KLHL2: variants seen among roughly 807,000 people sequenced by gnomAD.
KLHL2 encodes kelch like family member 2.
Under a neutral mutation model 75.8 loss-of-function variants are expected in KLHL2, and 15 were observed. That is an observed-to-expected ratio of 0.20 (90% CI 0.13 to 0.30). The LOEUF is 0.30. Among genes scored for constraint, KLHL2 ranks in the 10% least tolerant of loss-of-function variants. The pLI, the probability that KLHL2 is intolerant of heterozygous loss-of-function variation, is 1.00. For synonymous variants in KLHL2, 214 were observed against 251.9 expected, an observed-to-expected ratio of 0.85 and a Z score of 1.42; for missense variants, 381 against 741.0, an observed-to-expected ratio of 0.51 and a Z score of 5.64.
chr4:165,272,803 T>A (rs535990429), intron 5 of KLHL2, among the ~76,000 whole-genome samples: 54 of 152,246 alleles, frequency 3.5e-4, no homozygotes, highest in African/African-American at 1.1e-3. Context: ...ATATAAAAAA[T>A]TTTCCACCAG....
Position 165,265,509 on chromosome 4 carries a change from GTCT to G in KLHL2, c.544+2152_544+2154del, listed in dbSNP as rs566954901. On this transcript the variant is annotated intron_variant, in intron 5 of 14. Coordinates refer to ENST00000226725, the MANE Select transcript of KLHL2 (RefSeq NM_007246.4). The stretch of plus-strand genomic sequence containing the variant: ...TCTTCTAGAATTTTGATGGTTTCAG[GTCT>G]TAGATTTAAGTCTTTAATCCATCTT... Among the ~76,000 whole-genome samples, 13 of 152,112 alleles carry G rather than the reference GTCT, an allele frequency of 8.5e-5. No individual in the cohort carries two copies. In the East Asian group the frequency reaches 2.5e-3, roughly 29 times the overall value.
intron 6 of KLHL2, 42 bp downstream of exon 6, chr4:165,294,510 C>CT (rs374375227): frequency 0.047 from 38,269 of 813,358 alleles, no homozygotes; most frequent in South Asian, 0.06. Flanking sequence ...TGATGTTTCC[C>CT]TTTTTTTTTT....
chr4:165,245,523 G>A (rs891319307), intron 4 of KLHL2, among the ~76,000 whole-genome samples: 2 of 152,140 alleles, frequency 1.3e-5, no homozygotes, highest in South Asian at 2.1e-4. Flanking sequence ...CTGCATTCCC[G>A]TAGGAAGCTG....
intron 5 of KLHL2, among the ~76,000 whole-genome samples, chr4:165,290,596 C>G (rs990980395): frequency 2.0e-5 from 3 of 152,026 alleles, no homozygotes; most frequent in Non-Finnish European, 4.4e-5. Context: ...ATATAAACTT[C>G]TGGTAAAGTC....
chr4:165,215,280 GA>G (rs1445397479), intron 1 of KLHL2, among the ~76,000 whole-genome samples: 1 of 152,092 alleles, frequency 6.6e-6, no homozygotes, highest in East Asian at 1.9e-4. Context: ...TGAAGGATGT[GA>G]GAGTATTTTG....
At chr4:165,242,745 C>T (rs1374384891) in intron 4 of KLHL2, among the ~76,000 whole-genome samples, 1 of 152,156 alleles carries the variant, frequency 6.6e-6, no homozygotes, top group Non-Finnish European at 1.5e-5. Flanking sequence ...AGTCTGCCAA[C>T]CTTGGCCTCC....
chr4:165,244,654 C>CA (rs895827193), intron 4 of KLHL2, among the ~76,000 whole-genome samples: 2 of 150,628 alleles, frequency 1.3e-5, no homozygotes. Context: ...AACAAACAAA[C>CA]AAAAAAGGAA....
chr4:165,264,414 T>A (rs1358775772), intron 5 of KLHL2, among the ~76,000 whole-genome samples: 2 of 151,660 alleles, frequency 1.3e-5, no homozygotes, highest in Non-Finnish European at 2.9e-5. Context: ...ATTATACCAC[T>A]CTGTCTGCCT....
chr4:165,272,188 T>C (rs1742747634), intron 5 of KLHL2, among the ~76,000 whole-genome samples: 1 of 152,130 alleles, frequency 6.6e-6, no homozygotes, highest in Admixed American at 6.6e-5. Context: ...AGTGAAAAAA[T>C]GTGATCTGAG....
chr4:165,306,025 G>C (rs1185120778), intron 9 of KLHL2, among the ~76,000 whole-genome samples: 4 of 152,120 alleles, frequency 2.6e-5, no homozygotes, highest in Non-Finnish European at 5.9e-5. Flanking sequence ...CTTTAGGTTG[G>C]GACCCTTAGT....
intron 5 of KLHL2, chr4:165,279,669 C>A (rs1743492885): frequency 6.2e-7 from 1 of 1,600,346 alleles, no homozygotes; most frequent in Non-Finnish European, 8.6e-7. Flanking sequence ...GGTCCGCCCG[C>A]GTTTGCGGCC....
In KLHL2 at chr4:165,264,745, T is replaced by TAC. The variant is rs1560784199; in HGVS notation, c.544+1387_544+1388insCA. 1.1e-4 allele frequency among the ~76,000 whole-genome samples: 9 copies of TAC among 82,060 alleles called. No individual in the cohort carries two copies. In the South Asian group the frequency reaches 1.5e-3, roughly 14 times the overall value. 53.8% of individuals were successfully genotyped at this position (82,060 alleles called of 152,430 possible). On this transcript the variant is annotated intron_variant, in intron 5 of 14. Transcript: ENST00000226725. ...ACATATATATATATATATATGTATA[T>TAC]ATATATATATATATATATATAAAAC...
chr4:165,307,047 T>C (rs563808170), intron 9 of KLHL2, among the ~76,000 whole-genome samples: 35 of 152,312 alleles, frequency 2.3e-4, no homozygotes, highest in East Asian at 7.7e-4. Flanking sequence ...CAGTGGGTCA[T>C]GCCTGTAATC....
At chr4:165,318,063 CT>C in intron 14 of KLHL2, 94 bp downstream of exon 14, 1 of 1,157,882 alleles carries the variant, frequency 8.6e-7, no homozygotes. Context: ...AGAATAAAGT[CT>C]TTTCTCAAGG....
chr4:165,317,968 AG>A lies in KLHL2; in HGVS notation c.1753+1del. ...GTATGAGCACAGGGAGAAGTTATGC[AG>A]GTAACAGTTGTCTCTAAAGTCAATT... The part of the protein sequence containing the change: ...SCMSTGRSYA[G>X]VTVIDKPL On this transcript the variant is annotated frameshift_variant and splice_region_variant, in exon 14 of 15. Coordinates refer to ENST00000226725, the MANE Select transcript of KLHL2 (RefSeq NM_007246.4). LOFTEE classifies it high-confidence loss of function. 1 of 1,613,026 alleles carries A rather than the reference AG, an allele frequency of 6.2e-7. No individual in the cohort carries two copies. The highest frequency in any genetic ancestry group is 8.5e-7 in the Non-Finnish European group (1 of 1,179,588).
At chr4:165,263,930 C>T (rs1579070619) in intron 5 of KLHL2, among the ~76,000 whole-genome samples, 1 of 149,770 alleles carries the variant, frequency 6.7e-6, no homozygotes, top group East Asian at 2.0e-4. Flanking sequence ...AAGCAGCCCA[C>T]TCCTTGCATG....
intron 5 of KLHL2, chr4:165,279,451 A>C (rs746532605): frequency 6.2e-7 from 1 of 1,600,296 alleles, no homozygotes; most frequent in African/African-American, 1.3e-5. Flanking sequence ...CTATACACTC[A>C]TAGACAGAAT....
In KLHL2 at chr4:165,207,846, G is replaced by T; in HGVS notation, c.-31G>T. On this transcript the variant is annotated 5_prime_UTR_variant, in exon 1 of 15. Coordinates refer to ENST00000226725, the MANE Select transcript of KLHL2 (RefSeq NM_007246.4). This position sits in a 1 kb window ranked among gnomAD's most constrained non-coding sequence, Gnocchi z 4.2. ...AATGGTGCTGGCTGTGTTGGTCGGT[G>T]CCTGCGTTCTGAAGCCCGAGAGGAG... The T allele has an allele frequency of 6.9e-7, 1 of 1,448,290 alleles. No individual in the cohort carries two copies. Among genetic ancestry groups the T allele is most frequent in the South Asian group, 1.3e-5 (1 of 77,444 alleles). 89.7% of individuals were successfully genotyped at this position (1,448,290 alleles called of 1,614,324 possible).
rs373534091 is a variant in KLHL2, at chr4:165,317,917, C to T, written c.1701C>T (p.Thr567=). 79 of 1,613,364 alleles carry T rather than the reference C, an allele frequency of 4.9e-5. No individual in the cohort carries two copies. Among genetic ancestry groups the T allele is most frequent in the East Asian group, 1.3e-4 (6 of 44,866 alleles). Residue 567 remains threonine, a synonymous_variant, in exon 14 of 15, where the codon ACC becomes ACT. Coordinates refer to ENST00000226725, the MANE Select transcript of KLHL2 (RefSeq NM_007246.4). ...LASVEYYNPT[T]DKWTVVSSCM... ...CAGTAGAATATTATAACCCAACAAC[C>T]GATAAATGGACAGTTGTGTCATCGT...
Sources: allele counts gnomAD v4.1 joint callset (sites outside exome capture counted in the v4.1 genomes callset), GRCh38; gene constraint gnomAD v4.1.1; non-coding constraint Gnocchi (gnomAD v3.1); transcripts MANE v1.5; gene names NCBI Gene and HGNC (gene_info 2026-07-23, HGNC 2026-07-21).